Variants in SIK3 observed in about 807,000 individuals in gnomAD.
The protein encoded by SIK3 is serine/threonine-protein kinase SIK3.
SIK3 carries 28 observed loss-of-function variants against 144.2 expected under a neutral mutation model. That is an observed-to-expected ratio of 0.19 (90% CI 0.14 to 0.27). The LOEUF (loss-of-function observed/expected upper bound fraction) is 0.27. Among genes scored for constraint, SIK3 ranks in the 10% least tolerant of loss-of-function variants. The pLI, the probability that SIK3 is intolerant of heterozygous loss-of-function variation, is 1.00. For missense variants in SIK3, 1,319 were observed against 1,776.0 expected, an observed-to-expected ratio of 0.74 and a Z score of 4.62; for synonymous variants, 686 against 676.3, an observed-to-expected ratio of 1.01 and a Z score of -0.22.
intron 1 of SIK3, among the ~76,000 whole-genome samples, chr11:117,060,564 T>G (rs1953748001): frequency 7.1e-6 from 1 of 140,596 alleles, no homozygotes; most frequent in Non-Finnish European, 1.5e-5. Context: ...GCCATTGCAC[T>G]CCAGCCTGGA....
At chr11:117,036,683 TA>T (rs1306721882) in intron 1 of SIK3, among the ~76,000 whole-genome samples, 9 of 152,236 alleles carry the variant, frequency 5.9e-5, no homozygotes, top group South Asian at 2.1e-4. Context: ...CCAGAACTGC[TA>T]CATGTCACCA....
In SIK3 at chr11:116,959,759, T is replaced by C. The variant is rs145202207; in HGVS notation, c.274-2695A>G. On this transcript the variant is annotated intron_variant, in intron 1 of 24. Coordinates refer to ENST00000445177, the MANE Select transcript of SIK3 (RefSeq NM_001366686.3). ...ACACAATCACGTGGGTAGATAACAA[T>C]AGAGTGAATTAAATGCATTTCTGAC... Among the ~76,000 whole-genome samples, 257 of 152,234 alleles carry C rather than the reference T, an allele frequency of 1.7e-3. 1 individual carries two copies. Among genetic ancestry groups the C allele is most frequent in the African/African-American group, 4.8e-3 (198 of 41,534 alleles).
At chr11:117,035,881 A>C (rs866564592) in intron 1 of SIK3, 4 of 1,596,722 alleles carry the variant, frequency 2.5e-6, no homozygotes, top group Non-Finnish European at 2.5e-6. Flanking sequence ...TGGAGCAGCC[A>C]ACACACAAAA....
chr11:116,920,044 T>C (rs187186195), intron 4 of SIK3, among the ~76,000 whole-genome samples: 1 of 152,302 alleles, frequency 6.6e-6, no homozygotes, highest in Non-Finnish European at 1.5e-5. Flanking sequence ...ATTGGATTAA[T>C]TAAGCCTTAT....
At chr11:116,911,827 G>A (rs745623421) in intron 4 of SIK3, among the ~76,000 whole-genome samples, 1 of 152,160 alleles carries the variant, frequency 6.6e-6, no homozygotes, top group Non-Finnish European at 1.5e-5. Flanking sequence ...TACTGATGCC[G>A]ATAAAATACT....
At chr11:116,902,312 TC>T (rs1470276146) in intron 4 of SIK3, among the ~76,000 whole-genome samples, 1 of 152,254 alleles carries the variant, frequency 6.6e-6, no homozygotes, top group African/African-American at 2.4e-5. Flanking sequence ...TAGTAACCTT[TC>T]TAGCATGTTA....
rs183805877 is a variant in SIK3, at chr11:116,944,146, C to T, written c.454+9898G>A. Among the ~76,000 whole-genome samples, 7 of 152,084 alleles carry T rather than the reference C, an allele frequency of 4.6e-5. No individual in the cohort carries two copies. The East Asian group carries it at 9.7e-4, about 21-fold the overall frequency. On this transcript the variant is annotated intron_variant, in intron 3 of 24. Coordinates refer to ENST00000445177, the MANE Select transcript of SIK3 (RefSeq NM_001366686.3). ...TGTAGTTTTATCAAAATAAGAGTTGCGTTTAATAGAAAAATATTTTAGACT... is the reference window on the plus strand; with the variant it reads ...TGTAGTTTTATCAAAATAAGAGTTGTGTTTAATAGAAAAATATTTTAGACT...
At chr11:116,933,835 T>TCC (rs1369495493) in intron 3 of SIK3, among the ~76,000 whole-genome samples, 2 of 152,192 alleles carry the variant, frequency 1.3e-5, no homozygotes, top group Non-Finnish European at 2.9e-5. Flanking sequence ...CCGGATGGGT[T>TCC]CCCAGCTCAT....
At chr11:117,040,255 C>T (rs12273536) in intron 1 of SIK3, among the ~76,000 whole-genome samples, 11,216 of 152,216 alleles carry the variant, frequency 0.074, 502 homozygotes, top group Middle Eastern at 0.11. Flanking sequence ...CAAATCCTGG[C>T]GCCATCACTA....
At chr11:117,075,840 C>CT (rs1037271983) in intron 1 of SIK3, among the ~76,000 whole-genome samples, 1,619 of 40,912 alleles carry the variant, frequency 0.04, 408 homozygotes, top group African/African-American at 0.084. Context: ...CCAAGCCTGG[C>CT]TTTTTTTTTT....
intron 1 of SIK3, among the ~76,000 whole-genome samples, chr11:117,014,102 C>T (rs978233224): frequency 3.3e-5 from 5 of 149,656 alleles, no homozygotes; most frequent in Non-Finnish European, 7.4e-5. Context: ...ACCTCAGCCT[C>T]CCAAAATGCT....
rs1187167629 is a variant in SIK3 at position 117,032,521 on chromosome 11, A to G, written c.273+65622T>C. Among the ~76,000 whole-genome samples, 5 of 152,176 alleles carry G rather than the reference A, an allele frequency of 3.3e-5. No homozygotes were observed. In the East Asian group the frequency reaches 9.6e-4, roughly 29 times the overall value. ...TGTTTTTGTTTTGCCTTGTTTAGAG[A>G]CAAGGTCTTGCTCTGTTGCCCAGGC... On this transcript the variant is annotated intron_variant, in intron 1 of 24. Transcript: ENST00000445177.
At chr11:116,868,494 G>A (rs1243795051) in intron 14 of SIK3, among the ~76,000 whole-genome samples, 1 of 152,188 alleles carries the variant, frequency 6.6e-6, no homozygotes, top group Non-Finnish European at 1.5e-5. Context: ...AGATGAACCT[G>A]GGGAGATATT....
intron 1 of SIK3, among the ~76,000 whole-genome samples, chr11:116,960,635 G>T (rs924803853): frequency 3.9e-5 from 6 of 152,184 alleles, no homozygotes; most frequent in Admixed American, 3.3e-4. Flanking sequence ...CAAAATCTTG[G>T]AACTATCCCT....
chr11:117,018,494 G>T (rs1327192425), intron 1 of SIK3, among the ~76,000 whole-genome samples: 3 of 152,046 alleles, frequency 2.0e-5, no homozygotes, highest in Non-Finnish European at 4.4e-5. Flanking sequence ...ATCTTTGATG[G>T]CAGGAACTAA....
At chr11:116,968,773 G>GT (rs906053186) in intron 1 of SIK3, among the ~76,000 whole-genome samples, 6 of 152,148 alleles carry the variant, frequency 3.9e-5, no homozygotes, top group Non-Finnish European at 5.9e-5. Flanking sequence ...GGAAATTGTC[G>GT]TAACTGTGTA....
At chr11:117,038,138 G>A (rs1952590700) in intron 1 of SIK3, among the ~76,000 whole-genome samples, 1 of 152,008 alleles carries the variant, frequency 6.6e-6, no homozygotes, top group African/African-American at 2.4e-5. Context: ...GAAACATCCT[G>A]TATAGAGACT....
chr11:117,042,710 T>C (rs533662371), intron 1 of SIK3, among the ~76,000 whole-genome samples: 2 of 152,294 alleles, frequency 1.3e-5, no homozygotes, highest in Admixed American at 1.3e-4. Flanking sequence ...GCTAAAATGC[T>C]AAAAGATCAA....
chr11:117,085,916 G>A (rs1033640355), intron 1 of SIK3, among the ~76,000 whole-genome samples: 1 of 152,134 alleles, frequency 6.6e-6, no homozygotes, highest in African/African-American at 2.4e-5. Context: ...TCATGCCACT[G>A]CACTTCCAGC....
Sources: gnomAD v4.1 joint callset for allele counts (sites outside exome capture counted in the v4.1 genomes callset) on GRCh38, gnomAD v4.1.1 for gene constraint, MANE v1.5 for transcripts, NCBI Gene and HGNC (gene_info 2026-07-23, HGNC 2026-07-21) for gene names.